ZNF804B: variants seen among roughly 807,000 people sequenced by gnomAD.
ZNF804B encodes zinc finger protein 804B, also known as zinc finger 804B.
ZNF804B carries 80 observed loss-of-function variants against 101.4 expected under a neutral mutation model. The ratio of observed to expected loss-of-function variants is 0.79; its 90% CI spans 0.66 to 0.95. The LOEUF is 0.95. Among genes scored for constraint, ZNF804B ranks in the 40% least tolerant of loss-of-function variants. The probability of loss-of-function intolerance (pLI) is 0.00; values close to 1 mark genes in which losing one functional copy is unlikely to be tolerated. For missense variants in ZNF804B, 1,673 were observed against 1,561.9 expected (o/e 1.07, Z -1.20); for synonymous variants, 622 against 558.8 (o/e 1.11, Z -1.59).
intron 2 of ZNF804B, among the ~76,000 whole-genome samples, chr7:89,320,399 CT>C (rs1326165157): frequency 6.6e-6 from 1 of 151,968 alleles, no homozygotes; most frequent in Non-Finnish European, 1.5e-5. Context: ...TTCTGATAGT[CT>C]TATCTGCTGA....
intron 1 of ZNF804B, among the ~76,000 whole-genome samples, chr7:88,936,944 A>G (rs1562837232): frequency 6.6e-6 from 1 of 152,056 alleles, no homozygotes; most frequent in African/African-American, 2.4e-5. Flanking sequence ...ACTGAAAAAT[A>G]TAGCCACAAA....
Position 89,334,289 on chromosome 7 carries a change from T to C in ZNF804B, c.1307T>C (p.Val436Ala), listed in dbSNP as rs761829545. Reference sequence around the variant, plus strand: ...GTAAAAGAAGCATGTACCCATAATGTGGCATCTAAACCACTACCTTTTCTC... The same window carrying C: ...GTAAAAGAAGCATGTACCCATAATGCGGCATCTAAACCACTACCTTTTCTC... ...RLVKEACTHN[V>A]ASKPLPFLHV... Residue 436 changes from valine to alanine, a missense_variant, in exon 4 of 4, where the codon GTG becomes GCG. By Grantham distance (64) the Val-to-Ala change is moderately conservative. Transcript: ENST00000333190. 3.7e-6 allele frequency: 6 copies of C among 1,613,742 alleles called. No homozygotes were observed. Among genetic ancestry groups the C allele is most frequent in the Non-Finnish European group, 5.1e-6 (6 of 1,179,864 alleles).
chr7:88,936,527 T>A lies in ZNF804B; in HGVS notation c.108+176443T>A, dbSNP rs114960092. 3.6e-3 allele frequency among the ~76,000 whole-genome samples: 549 copies of A among 152,094 alleles called. 4 individuals are homozygous for A. The highest frequency in any genetic ancestry group is 0.013 in the African/African-American group (523 of 41,514). ...GGATGTAGGCAATTGAGAGGGGTAG[T>A]AAATGACCTTTAGGAGAAATCAATG... On this transcript the variant is annotated intron_variant, in intron 1 of 3. Transcript: ENST00000333190.
At chr7:89,102,494 A>G (rs1562885239) in intron 1 of ZNF804B, among the ~76,000 whole-genome samples, 1 of 151,860 alleles carries the variant, frequency 6.6e-6, no homozygotes, top group South Asian at 2.1e-4. Context: ...CTTTTGAGAA[A>G]TACCCGTTCA....
chr7:89,012,064 C>A (rs966269008), intron 1 of ZNF804B, among the ~76,000 whole-genome samples: 1 of 152,186 alleles, frequency 6.6e-6, no homozygotes, highest in African/African-American at 2.4e-5. Context: ...AACCTCAATT[C>A]TTGACTTCTG....
chr7:89,266,603 C>T (rs1789800212), intron 2 of ZNF804B, among the ~76,000 whole-genome samples: 1 of 152,098 alleles, frequency 6.6e-6, no homozygotes, highest in Non-Finnish European at 1.5e-5. Flanking sequence ...CATGAATAGC[C>T]TTCTCACATA....
chr7:88,859,483 A>G (rs1411233619), intron 1 of ZNF804B, among the ~76,000 whole-genome samples: 1 of 152,130 alleles, frequency 6.6e-6, no homozygotes, highest in Non-Finnish European at 1.5e-5. Context: ...AGTTATGTGA[A>G]TCATGATTCA....
chr7:88,877,042 TATATA>T (rs1562820479), intron 1 of ZNF804B, among the ~76,000 whole-genome samples: 23 of 50,094 alleles, frequency 4.6e-4, no homozygotes, highest in African/African-American at 1.0e-3. Context: ...TATATATATA[TATATA>T]TATTTTTTTT....
chr7:89,239,842 A>G (rs1297218809), intron 2 of ZNF804B, among the ~76,000 whole-genome samples: 1 of 151,190 alleles, frequency 6.6e-6, no homozygotes, highest in African/African-American at 2.4e-5. Context: ...CATTTTTATT[A>G]CATTAGTTTT....
intron 1 of ZNF804B, among the ~76,000 whole-genome samples, chr7:88,784,410 G>A (rs1174209496): frequency 1.3e-5 from 2 of 151,980 alleles, no homozygotes; most frequent in African/African-American, 2.4e-5. Flanking sequence ...AGTCACTCGG[G>A]GACCTTTAAA....
At chr7:88,984,385 G>A (rs1306958526) in intron 1 of ZNF804B, among the ~76,000 whole-genome samples, 5 of 151,924 alleles carry the variant, frequency 3.3e-5, no homozygotes, top group Non-Finnish European at 7.4e-5. Flanking sequence ...GCATGTTTTT[G>A]TTTCTTTGTT....
intron 2 of ZNF804B, among the ~76,000 whole-genome samples, chr7:89,259,398 C>T (rs1789679320): frequency 6.6e-6 from 1 of 152,212 alleles, no homozygotes; most frequent in Non-Finnish European, 1.5e-5. Context: ...CCTGTGATGT[C>T]ACGCATAATA....
intron 1 of ZNF804B, among the ~76,000 whole-genome samples, chr7:89,204,343 A>T (rs1788687202): frequency 6.6e-6 from 1 of 152,184 alleles, no homozygotes; most frequent in Non-Finnish European, 1.5e-5. Context: ...AGTTATACCT[A>T]CCTGTGGGCT....
intron 1 of ZNF804B, among the ~76,000 whole-genome samples, chr7:88,855,818 C>T (rs1791547257): frequency 1.3e-5 from 2 of 152,238 alleles, no homozygotes; most frequent in East Asian, 3.8e-4. Flanking sequence ...CAGCTTTCTG[C>T]ATATGGCTAG....
intron 1 of ZNF804B, among the ~76,000 whole-genome samples, chr7:88,844,381 C>T (rs1418449167): frequency 6.6e-6 from 1 of 152,140 alleles, no homozygotes; most frequent in African/African-American, 2.4e-5. Context: ...GCTTCTGCAT[C>T]ACCCCCAACC....
chr7:88,939,203 T>A (rs1296116517), intron 1 of ZNF804B, among the ~76,000 whole-genome samples: 5 of 152,036 alleles, frequency 3.3e-5, no homozygotes, highest in African/African-American at 9.7e-5. Flanking sequence ...ATTCTGTATA[T>A]CAAATGCACT....
At chr7:89,069,023 G>A (rs1789496776) in intron 1 of ZNF804B, among the ~76,000 whole-genome samples, 2 of 152,134 alleles carry the variant, frequency 1.3e-5, no homozygotes, top group South Asian at 2.1e-4. Context: ...GCTTGTGATT[G>A]GACAACAAAA....
intron 2 of ZNF804B, among the ~76,000 whole-genome samples, chr7:89,239,785 A>C (rs1000011944): frequency 6.7e-6 from 1 of 148,402 alleles, no homozygotes; most frequent in African/African-American, 2.5e-5. Context: ...TTCTGTCTAT[A>C]TTATGTCATT....
chr7:88,854,291 T>TCA (rs1043283441), intron 1 of ZNF804B, among the ~76,000 whole-genome samples: 4 of 152,106 alleles, frequency 2.6e-5, no homozygotes, highest in African/African-American at 9.7e-5. Flanking sequence ...TTGGCTAATT[T>TCA]CACACACACA....
Sources: allele counts gnomAD v4.1 joint callset (sites outside exome capture counted in the v4.1 genomes callset), GRCh38; gene constraint gnomAD v4.1.1; transcripts MANE v1.5; gene names NCBI Gene and HGNC (gene_info 2026-07-23, HGNC 2026-07-21).